Variants in ERC2 observed in about 807,000 individuals in gnomAD.
The protein encoded by ERC2 is ERC protein 2.
A neutral mutation model predicts 114.8 loss-of-function variants in ERC2; 42 were observed. That is an observed-to-expected ratio of 0.37 (90% CI 0.29 to 0.47). The LOEUF (loss-of-function observed/expected upper bound fraction) is 0.47. Ranked by LOEUF, ERC2 falls within the 20% of genes least tolerant of loss-of-function variation. The pLI, the probability that ERC2 is intolerant of heterozygous loss-of-function variation, is 0.99. For synonymous variants in ERC2, 454 were observed against 425.5 expected (o/e 1.07, Z -0.82); for missense variants, 939 against 1,150.7 (o/e 0.82, Z 2.66).
At chr3:55,792,391 AG>A (rs2070110209) in intron 14 of ERC2, among the ~76,000 whole-genome samples, 1 of 152,206 alleles carries the variant, frequency 6.6e-6, no homozygotes. Flanking sequence ...TAGCTCTCAA[AG>A]CTAGGCATTT....
At chr3:55,976,365 C>T (rs999217837) in intron 12 of ERC2, among the ~76,000 whole-genome samples, 6 of 152,150 alleles carry the variant, frequency 3.9e-5, no homozygotes, top group Admixed American at 1.3e-4. Context: ...CACCTTTCAC[C>T]CCCTGTTGAC....
intron 3 of ERC2, among the ~76,000 whole-genome samples, chr3:56,204,378 G>A (rs9843455): frequency 6.6e-6 from 1 of 152,012 alleles, no homozygotes; most frequent in Non-Finnish European, 1.5e-5. Flanking sequence ...CTTTTGCTCT[G>A]CTAACTATGT....
intron 2 of ERC2, among the ~76,000 whole-genome samples, chr3:56,336,726 G>A (rs1034952397): frequency 2.0e-5 from 3 of 152,094 alleles, no homozygotes; most frequent in Admixed American, 6.6e-5. Flanking sequence ...CCTGGGAGGC[G>A]GTGGAAGTTG....
intron 17 of ERC2, among the ~76,000 whole-genome samples, chr3:55,594,620 T>G (rs1438219940): frequency 6.6e-6 from 1 of 152,162 alleles, no homozygotes; most frequent in Non-Finnish European, 1.5e-5. Context: ...TAGCTGGGAC[T>G]ACAGGCATTG....
intron 3 of ERC2, among the ~76,000 whole-genome samples, chr3:56,279,905 A>C (rs1016449317): frequency 5.9e-5 from 9 of 152,092 alleles, no homozygotes; most frequent in African/African-American, 2.2e-4. Context: ...TGAGTAACGG[A>C]CCCCCTCAAA....
chr3:55,511,375 G>A (rs1191299734), intron 17 of ERC2, 99 bp from the exon 18 acceptor site: 2 of 151,904 alleles, frequency 1.3e-5, no homozygotes, highest in African/African-American at 4.8e-5. Context: ...CCCTACAACA[G>A]CCTCTCCACC....
chr3:55,537,728 T>C (rs1217067317), intron 17 of ERC2, among the ~76,000 whole-genome samples: 1 of 152,176 alleles, frequency 6.6e-6, no homozygotes, highest in Non-Finnish European at 1.5e-5. Context: ...GTAATTCTTG[T>C]AGAGAGCCTT....
chr3:55,888,640 A>T, intron 13 of ERC2, 91 bp from the exon 14 acceptor site: 1 of 1,467,316 alleles, frequency 6.8e-7, no homozygotes, highest in Non-Finnish European at 9.4e-7. Context: ...ACAAACACAA[A>T]GGAATCACAG....
intron 17 of ERC2, among the ~76,000 whole-genome samples, chr3:55,580,341 T>C (rs2057198906): frequency 1.3e-5 from 2 of 152,132 alleles, no homozygotes. Context: ...GCGAAAATCT[T>C]GAGGGCAAGA....
intron 14 of ERC2, among the ~76,000 whole-genome samples, chr3:55,749,542 A>AT (rs2066528672): frequency 1.3e-5 from 2 of 152,160 alleles, no homozygotes; most frequent in Admixed American, 1.3e-4. Context: ...GGATTGTAAA[A>AT]TGCACCAATC....
rs147824655 is a variant in ERC2 at position 56,070,977 on chromosome 3, C to T, written c.1641+9840G>A. ...TTCCAGGAAGTCCTCCTTATTCATC[C>T]CACTCCCCTGGCTAGGTGAGGTGCC... On this transcript the variant is annotated intron_variant, in intron 7 of 17. Transcript: ENST00000288221. Among the ~76,000 whole-genome samples, 317 of 152,294 alleles carry T rather than the reference C, an allele frequency of 2.1e-3. 1 individual carries two copies. The highest frequency in any genetic ancestry group is 7.3e-3 in the African/African-American group (302 of 41,558).
intron 3 of ERC2, among the ~76,000 whole-genome samples, chr3:56,252,856 A>T (rs942149447): frequency 2.0e-5 from 3 of 152,044 alleles, no homozygotes; most frequent in African/African-American, 7.2e-5. Flanking sequence ...GCTTCCAGAG[A>T]TGTTATTACA....
chr3:56,410,010 GCAAA>G (rs923624216), intron 2 of ERC2, among the ~76,000 whole-genome samples: 13 of 152,172 alleles, frequency 8.5e-5, no homozygotes, highest in Non-Finnish European at 7.3e-5. Context: ...ACCTGAGACT[GCAAA>G]AGTCTGTGCT....
chr3:55,611,987 G>A (rs1173097148), intron 17 of ERC2, among the ~76,000 whole-genome samples: 1 of 152,144 alleles, frequency 6.6e-6, no homozygotes, highest in African/African-American at 2.4e-5. Flanking sequence ...CTCAAATCTT[G>A]TTAGAGAATG....
chr3:56,409,851 C>T (rs72873492), intron 2 of ERC2, among the ~76,000 whole-genome samples: 6,800 of 152,246 alleles, frequency 0.045, 381 homozygotes, highest in African/African-American at 0.13. Context: ...TGAACACGTA[C>T]TCTGTGCTCT....
At chr3:55,646,977 A>G (rs1559794733) in intron 17 of ERC2, 1 of 152,002 alleles carries the variant, frequency 6.6e-6, no homozygotes, top group Non-Finnish European at 1.5e-5. Context: ...CACACACACA[A>G]ACACACACAG....
chr3:55,906,517 G>A (rs1045681637), intron 13 of ERC2, among the ~76,000 whole-genome samples: 14 of 151,256 alleles, frequency 9.3e-5, no homozygotes, highest in African/African-American at 2.9e-4. Context: ...TTGAATGTAC[G>A]TTCTCAGCAT....
At chr3:56,328,666 T>C (rs928568923) in intron 2 of ERC2, among the ~76,000 whole-genome samples, 1 of 152,192 alleles carries the variant, frequency 6.6e-6, no homozygotes, top group Non-Finnish European at 1.5e-5. Context: ...CATTTAATCC[T>C]AACTACTTTG....
At chr3:55,825,868 A>G (rs2060305309) in intron 14 of ERC2, among the ~76,000 whole-genome samples, 1 of 152,030 alleles carries the variant, frequency 6.6e-6, no homozygotes, top group Non-Finnish European at 1.5e-5. Flanking sequence ...CATTATTCCT[A>G]TCTCTACACC....
Sources: allele counts gnomAD v4.1 joint callset (sites outside exome capture counted in the v4.1 genomes callset), GRCh38; gene constraint gnomAD v4.1.1; transcripts MANE v1.5; gene names NCBI Gene and HGNC (gene_info 2026-07-23, HGNC 2026-07-21).